The following PLXNA4 variants were observed in gnomAD, a reference collection of about 807,000 sequenced individuals.
PLXNA4 encodes the protein plexin A4.
PLXNA4 carries 44 observed loss-of-function variants against 191.8 expected under a neutral mutation model. The observed-to-expected ratio is 0.23, with a 90% CI of 0.18 to 0.29. The LOEUF (loss-of-function observed/expected upper bound fraction) is 0.29. PLXNA4 is among the 10% of genes least tolerant of loss of function. The pLI is 1.00. For missense variants in PLXNA4, 1,800 were observed against 2,488.8 expected, an observed-to-expected ratio of 0.72 and a Z score of 5.89; for synonymous variants, 1,082 against 1,009.5, an observed-to-expected ratio of 1.07 and a Z score of -1.36.
intron 20 of PLXNA4, among the ~76,000 whole-genome samples, chr7:132,178,610 G>C (rs759717836): frequency 1.2e-4 from 19 of 152,318 alleles, no homozygotes; most frequent in Middle Eastern, 6.8e-3. Context: ...AGGGACTATA[G>C]AGTGAGAGGC....
intron 4 of PLXNA4, among the ~76,000 whole-genome samples, chr7:132,291,153 CAT>C (rs1442013343): frequency 1.3e-5 from 2 of 152,154 alleles, no homozygotes; most frequent in Non-Finnish European, 2.9e-5. Flanking sequence ...CTCAAAAACA[CAT>C]GTCACATGCC....
chr7:132,264,724 G>C (rs906394193), intron 4 of PLXNA4, among the ~76,000 whole-genome samples: 1 of 145,616 alleles, frequency 6.9e-6, no homozygotes. Context: ...TGTAGACAGA[G>C]TCTCACTGTG....
intron 9 of PLXNA4, among the ~76,000 whole-genome samples, chr7:132,216,228 T>C (rs750188030): frequency 4.6e-5 from 7 of 152,222 alleles, no homozygotes; most frequent in African/African-American, 1.7e-4. Context: ...GTGTTAAGCA[T>C]AGAGAAGAAC....
intron 25 of PLXNA4, among the ~76,000 whole-genome samples, chr7:132,157,016 G>A (rs1795819031): frequency 6.6e-6 from 1 of 152,196 alleles, no homozygotes; most frequent in Non-Finnish European, 1.5e-5. Context: ...GTGAGAGGGG[G>A]GCCCTGAGGT....
intron 2 of PLXNA4, among the ~76,000 whole-genome samples, chr7:132,588,913 T>G (rs1426809086): frequency 1.3e-5 from 2 of 150,004 alleles, no homozygotes; most frequent in East Asian, 2.0e-4. Context: ...GAGAAAGAAA[T>G]AGAGAGAGGA....
chr7:132,358,901 C>T (rs1234961852), intron 3 of PLXNA4, among the ~76,000 whole-genome samples: 1 of 152,070 alleles, frequency 6.6e-6, no homozygotes, highest in Non-Finnish European at 1.5e-5. Context: ...CTGGGAAGGT[C>T]AGGGTCTTGC....
At chr7:132,499,026 T>C (rs557725316) in intron 2 of PLXNA4, among the ~76,000 whole-genome samples, 2 of 152,360 alleles carry the variant, frequency 1.3e-5, no homozygotes, top group East Asian at 3.9e-4. Context: ...ATCCTTCTAA[T>C]AGGGAACTAA....
rs754910328 is a variant in PLXNA4 at position 132,174,914 on chromosome 7, G to A, written c.3881C>T (p.Ala1294Val). ...RVALECKEAF[A>V]ELQTDIHELT... ...CTCATGGATGTCCGTCTGCAGCTCG[G>A]CAAAGGCTGGCACGAAGAGAAGCCT... The change falls in exon 21 of 32, where the codon GCC becomes GTC. Residue 1294 changes from alanine (A) to valine (V), a missense_variant. By Grantham distance (64) the Ala-to-Val change is moderately conservative. This residue lies in a region of PLXNA4 where 1,397 missense variants were observed against 1,880.4 expected (regional missense o/e 0.74). Coordinates refer to ENST00000321063, the MANE Select transcript of PLXNA4 (RefSeq NM_020911.2). 1 of 1,613,966 alleles carries A rather than the reference G, an allele frequency of 6.2e-7. No individual in the cohort carries two copies. Among genetic ancestry groups the A allele is most frequent in the Non-Finnish European group, 8.5e-7 (1 of 1,179,870 alleles).
At chr7:132,537,334 C>A (rs1048731992) in intron 1 of PLXNA4, among the ~76,000 whole-genome samples, 1 of 152,198 alleles carries the variant, frequency 6.6e-6, no homozygotes, top group Non-Finnish European at 1.5e-5. Flanking sequence ...GTGTCTGGCA[C>A]CTACCAAGCA....
chr7:132,213,970 T>A (rs1797883421), intron 9 of PLXNA4, among the ~76,000 whole-genome samples: 1 of 152,136 alleles, frequency 6.6e-6, no homozygotes, highest in African/African-American at 2.4e-5. Flanking sequence ...ATGGACCCCA[T>A]CTATTTTGCA....
At chr7:132,362,183 G>A (rs1262133613) in intron 3 of PLXNA4, among the ~76,000 whole-genome samples, 3 of 152,302 alleles carry the variant, frequency 2.0e-5, no homozygotes, top group Non-Finnish European at 2.9e-5. Flanking sequence ...GCCAAGATGG[G>A]AAGAGCAAGA....
chr7:132,376,587 C>T lies in PLXNA4; in HGVS notation c.1372-78365G>A, dbSNP rs551556056. On this transcript the variant is annotated intron_variant, in intron 3 of 31. Transcript: ENST00000321063. ...CTGTTAAATCTCCACTCCCAGGAAG[C>T]GATTTGCTCAGCAATAACCATTTCT... Among the ~76,000 whole-genome samples, 7 of 152,310 alleles carry T rather than the reference C, an allele frequency of 4.6e-5. No homozygotes were observed. In the East Asian group the frequency reaches 7.7e-4, roughly 17 times the overall value.
chr7:132,229,258 G>A (rs1431845906), intron 5 of PLXNA4, among the ~76,000 whole-genome samples: 1 of 152,216 alleles, frequency 6.6e-6, no homozygotes, highest in Non-Finnish European at 1.5e-5. Flanking sequence ...ACTCTTCAGT[G>A]CTCTGTGCTG....
At chr7:132,184,615 G>A (rs1384689516) in intron 16 of PLXNA4, among the ~76,000 whole-genome samples, 9 of 152,208 alleles carry the variant, frequency 5.9e-5, no homozygotes, top group Admixed American at 5.9e-4. Flanking sequence ...CCCAGGAAGA[G>A]TACCAATTTG....
At chr7:132,265,227 G>A (rs183449486) in intron 4 of PLXNA4, among the ~76,000 whole-genome samples, 3 of 152,288 alleles carry the variant, frequency 2.0e-5, no homozygotes, top group Non-Finnish European at 4.4e-5. Flanking sequence ...GGGGTCAGCT[G>A]GGTCCTGCCT....
chr7:132,377,666 T>C (rs1448911403), intron 3 of PLXNA4, among the ~76,000 whole-genome samples: 3 of 152,112 alleles, frequency 2.0e-5, no homozygotes, highest in African/African-American at 7.2e-5. Flanking sequence ...AGAGACCATT[T>C]GATTTCCTTG....
chr7:132,366,388 G>T (rs1804186475), intron 3 of PLXNA4, among the ~76,000 whole-genome samples: 1 of 152,136 alleles, frequency 6.6e-6, no homozygotes, highest in African/African-American at 2.4e-5. Context: ...GCTGAGTGTG[G>T]TGGCGGGTGC....
rs1159592372 is a variant in PLXNA4, at chr7:132,124,190, C to G, written c.*6289G>C. ...GGGGAGGGCTGTCCATTCTAAAACA[C>G]AAAATCGTTGGTTTCCGAATGGAAA... On this transcript the variant is annotated 3_prime_UTR_variant, in exon 32 of 32. Coordinates refer to ENST00000321063, the MANE Select transcript of PLXNA4 (RefSeq NM_020911.2). The G allele has an allele frequency of 6.6e-6, 1 of 152,340 alleles. No individual in the cohort carries two copies. Among genetic ancestry groups the G allele is most frequent in the Middle Eastern group, 3.4e-3 (1 of 294 alleles). 9.4% of individuals were successfully genotyped at this position (152,340 alleles called of 1,614,324 possible).
chr7:132,322,184 C>CTGTCTTTTTTTTTTTTTTTTTTTTTT (rs376377991), intron 3 of PLXNA4, among the ~76,000 whole-genome samples: 9 of 122,520 alleles, frequency 7.3e-5, no homozygotes, highest in Admixed American at 1.9e-4. Flanking sequence ...CCTAAAAGGG[C>CTGTCTTTTTTTTTTTTTTTTTTTTTT]TTTTTTTTTT....
Sources: gnomAD v4.1 joint callset for allele counts (sites outside exome capture counted in the v4.1 genomes callset) on GRCh38, gnomAD v4.1.1 for gene constraint, gnomAD v4.1.1 regional missense constraint, MANE v1.5 for transcripts, NCBI Gene and HGNC (gene_info 2026-07-23, HGNC 2026-07-21) for gene names.